The following SLC22A2 variants were observed in gnomAD, a reference collection of about 807,000 sequenced individuals.
The protein encoded by SLC22A2 is organic cation transporter 2.
A neutral mutation model predicts 60.5 loss-of-function variants in SLC22A2; 46 were observed. The ratio of observed to expected loss-of-function variants is 0.76; its 90% CI spans 0.60 to 0.97. SLC22A2 has a LOEUF of 0.97. Ranked by LOEUF, SLC22A2 falls within the 50% of genes least tolerant of loss-of-function variation. SLC22A2 has a pLI of 0.00. For missense variants in SLC22A2, 701 were observed against 706.6 expected (o/e 0.99, Z 0.09); for synonymous variants, 303 against 267.0 (o/e 1.13, Z -1.31).
intron 10 of SLC22A2, chr6:160,218,129 C>T (rs1257433814): frequency 1.0e-5 from 2 of 196,438 alleles, no homozygotes; most frequent in Admixed American, 5.3e-5. Flanking sequence ...ATTTCCCCCA[C>T]CTGGAGTTGG....
chr6:160,221,852 C>T (rs1782649017), intron 10 of SLC22A2, among the ~76,000 whole-genome samples: 2 of 152,132 alleles, frequency 1.3e-5, no homozygotes, highest in South Asian at 2.1e-4. Flanking sequence ...TTGCAGATCA[C>T]CATCACAGAT....
intron 9 of SLC22A2, among the ~76,000 whole-genome samples, chr6:160,240,995 T>C (rs949571194): frequency 6.6e-6 from 1 of 152,104 alleles, no homozygotes; most frequent in African/African-American, 2.4e-5. Flanking sequence ...TTATTTCCTC[T>C]GGGTTTTGAA....
At chr6:160,226,968 A>T (rs1782734871) in intron 9 of SLC22A2, among the ~76,000 whole-genome samples, 1 of 152,188 alleles carries the variant, frequency 6.6e-6, no homozygotes, top group Non-Finnish European at 1.5e-5. Flanking sequence ...TCTTTGTAGC[A>T]ATAAGATAGC....
chr6:160,243,544 TAAGA>T, intron 7 of SLC22A2, 24 bp downstream of exon 7: 1 of 1,496,326 alleles, frequency 6.7e-7, no homozygotes, highest in Non-Finnish European at 9.3e-7. Context: ...GTCTTGGAGA[TAAGA>T]CTCCAACTTC....
At chr6:160,227,337 C>A (rs548148170) in intron 9 of SLC22A2, among the ~76,000 whole-genome samples, 1 of 152,278 alleles carries the variant, frequency 6.6e-6, no homozygotes, top group African/African-American at 2.4e-5. Context: ...TGATTCCGGA[C>A]CTTCAGATAA....
intron 1 of SLC22A2, 106 bp downstream of exon 1, chr6:160,258,238 G>C (rs1339698593): frequency 6.3e-6 from 8 of 1,277,056 alleles, no homozygotes; most frequent in African/African-American, 1.5e-5. Context: ...GCAGGCCAAA[G>C]AGATGTCCAG....
chr6:160,229,739 T>G (rs928605760), intron 9 of SLC22A2, among the ~76,000 whole-genome samples: 32 of 151,714 alleles, frequency 2.1e-4, no homozygotes, highest in Admixed American at 1.8e-3. Flanking sequence ...CATTCCTCCT[T>G]CTTCTCCCTT....
chr6:160,257,785 C>A (rs1265636858), intron 1 of SLC22A2: 1 of 152,108 alleles, frequency 6.6e-6, no homozygotes, highest in African/African-American at 2.4e-5. Flanking sequence ...TCAGGCTTCA[C>A]AAATAGCTTT....
intron 9 of SLC22A2, among the ~76,000 whole-genome samples, chr6:160,225,773 C>T (rs1241134990): frequency 1.3e-5 from 2 of 152,180 alleles, no homozygotes; most frequent in Admixed American, 6.5e-5. Context: ...ACACTATAGC[C>T]TACTCTTGTG....
chr6:160,234,310 C>T (rs779390058), intron 9 of SLC22A2, among the ~76,000 whole-genome samples: 5 of 152,172 alleles, frequency 3.3e-5, no homozygotes, highest in Admixed American at 1.3e-4. Context: ...GCTCTTCACA[C>T]GGACACGAGT....
At chr6:160,248,332 C>T (rs1783130041) in intron 4 of SLC22A2, among the ~76,000 whole-genome samples, 1 of 152,198 alleles carries the variant, frequency 6.6e-6, no homozygotes. Flanking sequence ...TCTGCCAGCA[C>T]CTGGATCTTA....
At chr6:160,243,963 C>T (rs1309266857) in intron 6 of SLC22A2, among the ~76,000 whole-genome samples, 177 bp from the exon 7 acceptor site, 1 of 152,152 alleles carries the variant, frequency 6.6e-6, no homozygotes, top group African/African-American at 2.4e-5. Context: ...CTGGCTGTGG[C>T]TGGGTAGTTT....
Position 160,217,464 on chromosome 6 carries a change from G to C in SLC22A2, c.1636C>G (p.Gln546Glu). The change falls in exon 11 of 11, where the codon CAA becomes GAA. Residue 546 changes from glutamine (Q) to glutamate (E), a missense_variant. Transcript: ENST00000366953. ...AATGGAATGTCTAGTTTCTGAACTT[G>C]GAGGTAAATCATCTTTTCTTTATTT... ...RKNKEKMIYL[Q>E]VQKLDIPLN 3.7e-6 allele frequency: 6 copies of C among 1,602,210 alleles called. No individual in the cohort carries two copies. The highest frequency in any genetic ancestry group is 5.1e-6 in the Non-Finnish European group (6 of 1,169,876).
At position 160,258,651 on chromosome 6, in the gene SLC22A2, A is replaced by G; in HGVS notation, c.107T>C (p.Ile36Thr). The part of the protein sequence containing the change: ...LALLSATFAP[I>T]YVGIVFLGFT... The stretch of plus-strand genomic sequence containing the variant: ...GCCCAGGAAGACGATGCCCACGTAG[A>G]TGGGCGCGAAGGTAGCCGAGAGCAG... The change falls in exon 1 of 11, where the codon ATC (isoleucine) becomes ACC (threonine). Residue 36 changes from isoleucine (I) to threonine (T), a missense_variant. Physicochemically the swap from Ile to Thr is moderately conservative, Grantham distance 89. Coordinates refer to ENST00000366953, the MANE Select transcript of SLC22A2 (RefSeq NM_003058.4). 1.2e-6 allele frequency: 2 copies of G among 1,613,836 alleles called. No homozygotes were observed. Among genetic ancestry groups the G allele is most frequent in the Non-Finnish European group, 1.7e-6 (2 of 1,179,922 alleles).
In SLC22A2 at chr6:160,217,170, G is replaced by GA. The variant is rs4646240; in HGVS notation, c.*261dup. The GA allele has an allele frequency of 7.1e-3, 2,407 of 341,356 alleles. 37 individuals are homozygous for GA. Among genetic ancestry groups the GA allele is most frequent in the African/African-American group, 0.044 (2,090 of 47,198 alleles). 21.1% of individuals were successfully genotyped at this position (341,356 alleles called of 1,614,324 possible). A position where few individuals can be genotyped will look rare whatever the true frequency, so the allele number is the denominator to read the frequency against. On this transcript the variant is annotated 3_prime_UTR_variant, in exon 11 of 11. Coordinates refer to ENST00000366953, the MANE Select transcript of SLC22A2 (RefSeq NM_003058.4). ...TCAAATTTAAAAAAATACAAAGATG[G>GA]AAAAAAAACCCTCCAGAAAACCAAT...
intron 9 of SLC22A2, among the ~76,000 whole-genome samples, chr6:160,234,985 T>C (rs1782887911): frequency 6.6e-6 from 1 of 152,240 alleles, no homozygotes; most frequent in Non-Finnish European, 1.5e-5. Flanking sequence ...CTGTTTGGCA[T>C]GGCTAAAGTC....
intron 5 of SLC22A2, among the ~76,000 whole-genome samples, chr6:160,246,637 C>G (rs1445148832): frequency 6.6e-6 from 1 of 152,074 alleles, no homozygotes; most frequent in Non-Finnish European, 1.5e-5. Flanking sequence ...ATTCTGGCTA[C>G]TAGGGAGGCT....
chr6:160,246,740 C>A (rs1260406571), intron 5 of SLC22A2, among the ~76,000 whole-genome samples: 2 of 151,574 alleles, frequency 1.3e-5, no homozygotes, highest in Admixed American at 6.6e-5. Flanking sequence ...GAGTAAGACT[C>A]CATCTCAAAA....
At chr6:160,239,297 G>A (rs549369019) in intron 9 of SLC22A2, among the ~76,000 whole-genome samples, 89 of 152,246 alleles carry the variant, frequency 5.8e-4, no homozygotes, top group Non-Finnish European at 1.1e-3. Context: ...GAAAACTCAC[G>A]AATAATCCAC....
Sources: allele counts gnomAD v4.1 joint callset (sites outside exome capture counted in the v4.1 genomes callset), GRCh38; gene constraint gnomAD v4.1.1; transcripts MANE v1.5; gene names NCBI Gene and HGNC (gene_info 2026-07-23, HGNC 2026-07-21).